USH2A: variants seen among roughly 807,000 people sequenced by gnomAD.
USH2A encodes the protein Usher syndrome 2A (autosomal recessive, mild).
USH2A carries 443 observed loss-of-function variants against 538.9 expected under a neutral mutation model. The ratio of observed to expected loss-of-function variants is 0.82; its 90% CI spans 0.76 to 0.89. The LOEUF (loss-of-function observed/expected upper bound fraction) is 0.89, where lower values mean the gene tolerates loss of function less well. Among genes scored for constraint, USH2A ranks in the 40% least tolerant of loss-of-function variants. USH2A has a pLI of 0.00. For synonymous variants in USH2A, 2,413 were observed against 2,273.5 expected (o/e 1.06, Z -1.75); for missense variants, 6,633 against 6,324.8 (o/e 1.05, Z -1.65).
chr1:216,059,622 A>T (rs147213825), intron 30 of USH2A, among the ~76,000 whole-genome samples: 170 of 152,156 alleles, frequency 1.1e-3, no homozygotes, highest in Non-Finnish European at 1.9e-3. Flanking sequence ...ATGTAGTTGA[A>T]TGTTTGTAAC....
intron 11 of USH2A, among the ~76,000 whole-genome samples, chr1:216,255,761 G>T (rs1466467373): frequency 6.6e-6 from 1 of 152,074 alleles, no homozygotes; most frequent in Non-Finnish European, 1.5e-5. Context: ...TGACAGTGTT[G>T]TTCTAATCTA....
chr1:216,319,518 C>A (rs1409687444), intron 9 of USH2A, among the ~76,000 whole-genome samples: 3 of 152,076 alleles, frequency 2.0e-5, no homozygotes, highest in Non-Finnish European at 4.4e-5. Flanking sequence ...TAAAAGATTT[C>A]TTCTTTTAAA....
At chr1:215,897,721 G>GATAA (rs5780864) in intron 40 of USH2A, among the ~76,000 whole-genome samples, 2 of 148,974 alleles carry the variant, frequency 1.3e-5, no homozygotes, top group Non-Finnish European at 3.0e-5. Context: ...AAGAAAGAAA[G>GATAA]AGAAAGAAAG....
At chr1:215,821,365 A>G (rs1461675070) in intron 47 of USH2A, among the ~76,000 whole-genome samples, 1 of 151,714 alleles carries the variant, frequency 6.6e-6, no homozygotes, top group African/African-American at 2.4e-5. Context: ...ATTTTTTCAT[A>G]TACCTGTTGG....
At chr1:216,201,825 T>A in intron 16 of USH2A, 1 of 213,676 alleles carries the variant, frequency 4.7e-6, no homozygotes. Flanking sequence ...AGAGGTCGCC[T>A]GGTTTTACTT....
intron 21 of USH2A, among the ~76,000 whole-genome samples, chr1:216,106,992 A>G (rs949884129): frequency 6.6e-6 from 1 of 151,854 alleles, no homozygotes; most frequent in South Asian, 2.1e-4. Flanking sequence ...TCTGACTTCA[A>G]CTTTTTAAAT....
At chr1:215,881,360 G>A (rs918575454) in intron 41 of USH2A, among the ~76,000 whole-genome samples, 2 of 152,086 alleles carry the variant, frequency 1.3e-5, no homozygotes, top group African/African-American at 2.4e-5. Flanking sequence ...GGCTGGTCTC[G>A]AACTCCTGAC....
intron 69 of USH2A, among the ~76,000 whole-genome samples, chr1:215,637,774 TA>T (rs199976529): frequency 2.4e-4 from 37 of 152,050 alleles, no homozygotes; most frequent in African/African-American, 7.2e-4. Context: ...TCAAAAAAAT[TA>T]AAAAAAATTT....
chr1:215,858,913 A>G (rs1421562007), intron 44 of USH2A, among the ~76,000 whole-genome samples: 1 of 152,118 alleles, frequency 6.6e-6, no homozygotes, highest in Non-Finnish European at 1.5e-5. Flanking sequence ...ATTTCTCACA[A>G]TCTGGAGGCT....
Position 215,798,958 on chromosome 1 carries a change from C to T in USH2A, c.9907G>A (p.Asp3303Asn), listed in dbSNP as rs1367867781. 5 of 1,614,118 alleles carry T rather than the reference C, an allele frequency of 3.1e-6. No individual in the cohort carries two copies. Among genetic ancestry groups the T allele is most frequent in the East Asian group, 2.2e-5 (1 of 44,868 alleles). Residue 3303 changes from aspartate (D) to asparagine (N), a missense_variant, in exon 50 of 72, where the codon GAT (aspartate) becomes AAT (asparagine). Asp to Asn is a conservative substitution (Grantham distance 23). Transcript: ENST00000307340. ...KCCGRQIVSN[D>N]LECCGGEEGV... ...TCTTCTCCACCACAACACTCTAAAT[C>T]GTTGCTCACAATCTGTCTGCCACAG...
chr1:216,045,553 CACA>C (rs936187684), intron 32 of USH2A, among the ~76,000 whole-genome samples: 6 of 152,044 alleles, frequency 3.9e-5, no homozygotes, highest in African/African-American at 1.4e-4. Context: ...TGGCAAAAAC[CACA>C]ACTACTTTTG....
chr1:215,695,719 T>C (rs1020257246), intron 61 of USH2A, among the ~76,000 whole-genome samples: 20 of 151,518 alleles, frequency 1.3e-4, no homozygotes, highest in South Asian at 8.4e-4. Flanking sequence ...GGCAAACGTC[T>C]ACATATCACA....
intron 35 of USH2A, among the ~76,000 whole-genome samples, chr1:215,991,126 A>T (rs1667994607): frequency 6.6e-6 from 1 of 152,144 alleles, no homozygotes; most frequent in Non-Finnish European, 1.5e-5. Context: ...TCCTGAGGTA[A>T]CACAGTCACT....
At chr1:216,004,878 G>C (rs1668356285) in intron 32 of USH2A, among the ~76,000 whole-genome samples, 1 of 152,178 alleles carries the variant, frequency 6.6e-6, no homozygotes, top group Non-Finnish European at 1.5e-5. Context: ...TATAGTAATG[G>C]GAGGGGATGC....
chr1:216,229,084 G>C (rs1222728616), intron 14 of USH2A, among the ~76,000 whole-genome samples: 1 of 151,882 alleles, frequency 6.6e-6, no homozygotes, highest in Non-Finnish European at 1.5e-5. Flanking sequence ...TGAGGCAGGA[G>C]AATCTTTTGA....
chr1:216,160,980 T>TATG (rs1326132031), intron 21 of USH2A, among the ~76,000 whole-genome samples: 5 of 152,178 alleles, frequency 3.3e-5, no homozygotes, highest in African/African-American at 1.2e-4. Flanking sequence ...TTTTTGTCAT[T>TATG]ATGAAATGTC....
chr1:216,276,862 C>T (rs944970372), intron 11 of USH2A, among the ~76,000 whole-genome samples: 1 of 152,046 alleles, frequency 6.6e-6, no homozygotes, highest in Non-Finnish European at 1.5e-5. Flanking sequence ...TCATCTCCCA[C>T]CAGGTTGCTC....
chr1:215,867,992 C>G (rs1232382338), intron 43 of USH2A, among the ~76,000 whole-genome samples: 1 of 152,124 alleles, frequency 6.6e-6, no homozygotes. Flanking sequence ...CACAGTCAGT[C>G]TATGAGTGGA....
chr1:215,958,010 G>C (rs1018461861), intron 37 of USH2A, among the ~76,000 whole-genome samples: 3 of 152,098 alleles, frequency 2.0e-5, no homozygotes, highest in African/African-American at 4.8e-5. Context: ...AGATACCAGG[G>C]ACTATAAAAC....
Sources: allele counts gnomAD v4.1 joint callset (sites outside exome capture counted in the v4.1 genomes callset), GRCh38; gene constraint gnomAD v4.1.1; transcripts MANE v1.5; gene names NCBI Gene and HGNC (gene_info 2026-07-23, HGNC 2026-07-21).